The following SOX5 variants were observed in gnomAD, a reference collection of about 807,000 sequenced individuals.
The protein encoded by SOX5 is transcription factor SOX-5.
SOX5 carries 9 observed loss-of-function variants against 92.0 expected under a neutral mutation model. That is an observed-to-expected ratio of 0.10 (90% CI 0.06 to 0.17). The LOEUF (loss-of-function observed/expected upper bound fraction) is 0.17. Among genes scored for constraint, SOX5 ranks in the 10% least tolerant of loss-of-function variants. The pLI is 1.00. For synonymous variants in SOX5, 344 were observed against 336.3 expected, an observed-to-expected ratio of 1.02 and a Z score of -0.25; for missense variants, 642 against 944.5, an observed-to-expected ratio of 0.68 and a Z score of 4.20.
chr12:23,551,817 A>G (rs11046971), intron 11 of SOX5, among the ~76,000 whole-genome samples: 18,377 of 151,564 alleles, frequency 0.12, 1,329 homozygotes, highest in East Asian at 0.25. Context: ...TTCCCTCATG[A>G]ATTGAAACCC....
At chr12:23,685,744 C>T (rs2087442015) in intron 6 of SOX5, among the ~76,000 whole-genome samples, 1 of 151,916 alleles carries the variant, frequency 6.6e-6, no homozygotes, top group African/African-American at 2.4e-5. Context: ...ATCCCAGCAG[C>T]CCCCTGGAGG....
intron 4 of SOX5, among the ~76,000 whole-genome samples, chr12:24,017,934 T>C (rs1444058521): frequency 6.6e-6 from 1 of 152,164 alleles, no homozygotes; most frequent in East Asian, 1.9e-4. Context: ...TCTTCCCCCG[T>C]TTGAGGTTAA....
intron 8 of SOX5, among the ~76,000 whole-genome samples, chr12:23,635,064 C>T (rs1213038230): frequency 6.6e-6 from 1 of 152,162 alleles, no homozygotes; most frequent in Non-Finnish European, 1.5e-5. Context: ...TTAAAACATT[C>T]TACCAGCAAT....
At chr12:24,343,577 T>A (rs1952826712) in intron 2 of SOX5, among the ~76,000 whole-genome samples, 1 of 152,150 alleles carries the variant, frequency 6.6e-6, no homozygotes, top group Non-Finnish European at 1.5e-5. Flanking sequence ...AGGTACTGTA[T>A]CACGCAGTCT....
intron 3 of SOX5, among the ~76,000 whole-genome samples, chr12:23,774,194 T>C (rs148390268): frequency 9.8e-4 from 150 of 152,322 alleles, no homozygotes; most frequent in Middle Eastern, 6.8e-3. Context: ...AATATACCTA[T>C]AGAAACATTA....
At chr12:24,257,377 T>C (rs749738164) in intron 3 of SOX5, among the ~76,000 whole-genome samples, 1 of 152,228 alleles carries the variant, frequency 6.6e-6, no homozygotes, top group Non-Finnish European at 1.5e-5. Context: ...GTGTATATTA[T>C]GCACAAAATT....
Position 24,269,184 on chromosome 12 carries a change from T to G in SOX5, c.-77+8032A>C, listed in dbSNP as rs529021207. Among the ~76,000 whole-genome samples, 8 of 152,264 alleles carry G rather than the reference T, an allele frequency of 5.3e-5. No homozygotes were observed. In the South Asian group the frequency reaches 1.7e-3, roughly 32 times the overall value. On this transcript the variant is annotated intron_variant, in intron 3 of 4. Coordinates refer to the SOX5 transcript ENST00000446891. ...GATTAGGGTGACTGAGGGAAAAAAGTGATTGGATTTGATAAATAGTTAAAG... is the reference window on the plus strand; with the variant it reads ...GATTAGGGTGACTGAGGGAAAAAAGGGATTGGATTTGATAAATAGTTAAAG...
intron 4 of SOX5, among the ~76,000 whole-genome samples, chr12:24,062,756 C>G (rs1939978664): frequency 6.6e-6 from 1 of 152,318 alleles, no homozygotes; most frequent in East Asian, 1.9e-4. Flanking sequence ...GAGAAGTTCT[C>G]AGGCTTAGAA....
chr12:24,099,769 G>A (rs1243191924), intron 4 of SOX5, among the ~76,000 whole-genome samples: 1 of 152,084 alleles, frequency 6.6e-6, no homozygotes, highest in Non-Finnish European at 1.5e-5. Flanking sequence ...AAATGCATTA[G>A]TTATGTCATA....
intron 1 of SOX5, among the ~76,000 whole-genome samples, chr12:24,456,270 G>C (rs995184965): frequency 1.3e-5 from 2 of 152,140 alleles, no homozygotes; most frequent in Non-Finnish European, 2.9e-5. Flanking sequence ...TCTATTTCTG[G>C]ACTTACAGGT....
At chr12:24,342,996 G>A (rs1952756928) in intron 2 of SOX5, among the ~76,000 whole-genome samples, 1 of 152,174 alleles carries the variant, frequency 6.6e-6, no homozygotes, top group South Asian at 2.1e-4. Flanking sequence ...AATGACTATG[G>A]CATGAAATGC....
chr12:24,213,435 A>G (rs908378796), intron 3 of SOX5: 7 of 150,378 alleles, frequency 4.7e-5, no homozygotes, highest in African/African-American at 1.5e-4. Context: ...AAAAAAAAAA[A>G]AAAAGAAAAA....
chr12:24,231,846 G>A (rs1963469799), intron 3 of SOX5, among the ~76,000 whole-genome samples: 1 of 152,164 alleles, frequency 6.6e-6, no homozygotes, highest in Non-Finnish European at 1.5e-5. Context: ...TGTTTTGAGT[G>A]TTGAATGATA....
intron 4 of SOX5, among the ~76,000 whole-genome samples, chr12:24,016,886 T>C (rs1353115127): frequency 1.3e-5 from 2 of 152,236 alleles, no homozygotes; most frequent in Non-Finnish European, 2.9e-5. Context: ...GTAGATTTGA[T>C]GTTTACTGTA....
intron 4 of SOX5, among the ~76,000 whole-genome samples, chr12:24,147,044 A>G (rs1951164779): frequency 1.3e-5 from 2 of 152,172 alleles, no homozygotes; most frequent in South Asian, 4.1e-4. Context: ...AAATTCTGCT[A>G]ATCACTTAAG....
intron 6 of SOX5, among the ~76,000 whole-genome samples, chr12:23,710,032 T>C (rs1353567324): frequency 1.3e-5 from 2 of 152,330 alleles, no homozygotes; most frequent in African/African-American, 2.4e-5. Context: ...AAAAGTATTA[T>C]TTGTATGCTA....
chr12:23,970,680 T>C (rs1394835656), intron 4 of SOX5, among the ~76,000 whole-genome samples: 1 of 150,280 alleles, frequency 6.7e-6, no homozygotes, highest in Non-Finnish European at 1.5e-5. Context: ...TGTTCATCCA[T>C]TCATGTGTTG....
chr12:24,374,725 G>A (rs963595356), intron 1 of SOX5, among the ~76,000 whole-genome samples: 2 of 152,168 alleles, frequency 1.3e-5, no homozygotes, highest in African/African-American at 4.8e-5. Flanking sequence ...TTAGGGTGCA[G>A]AATCCAGGAA....
At chr12:23,988,622 C>G (rs73283691) in intron 4 of SOX5, among the ~76,000 whole-genome samples, 1 of 152,028 alleles carries the variant, frequency 6.6e-6, no homozygotes, top group African/African-American at 2.4e-5. Context: ...TTATTTCCAT[C>G]GGAAGTGCTA....
Sources: allele counts gnomAD v4.1 joint callset (sites outside exome capture counted in the v4.1 genomes callset), GRCh38; gene constraint gnomAD v4.1.1; transcripts MANE v1.5; gene names NCBI Gene and HGNC (gene_info 2026-07-23, HGNC 2026-07-21).